Variants in AEBP1 observed in about 807,000 individuals in gnomAD.
AEBP1 encodes the protein adipocyte enhancer-binding protein 1.
Under a neutral mutation model 116.5 loss-of-function variants are expected in AEBP1, and 69 were observed. That is an observed-to-expected ratio of 0.59 (90% CI 0.49 to 0.72). The LOEUF is 0.72. Among genes scored for constraint, AEBP1 ranks in the 30% least tolerant of loss-of-function variants. The probability of loss-of-function intolerance (pLI) is 0.00; values close to 1 mark genes in which losing one functional copy is unlikely to be tolerated. For missense variants in AEBP1, 1,444 were observed against 1,557.5 expected (o/e 0.93, Z 1.23); for synonymous variants, 627 against 627.3 (o/e 1.00, Z 0.01).
Position 44,113,625 on chromosome 7 carries a change from C to G in AEBP1, c.2841C>G (p.Asn947Lys). ...GTGGTGATTACTGGCGAATCTTGAA[C>G]CCGGGTGAGTACCGCGTGACAGCCC... is the stretch of plus-strand genomic sequence containing the variant. ...ASGGDYWRILNPGEYRVTAHA... is the reference protein window; with the variant it reads ...ASGGDYWRILKPGEYRVTAHA... Residue 947 changes from asparagine (N) to lysine (K), a missense_variant, in exon 21 of 21, where the codon AAC (asparagine) becomes AAG (lysine). Transcript: ENST00000223357. The surrounding 1 kb of genome is among the most constrained non-coding windows in gnomAD (Gnocchi z 5.3). 1 of 1,613,084 alleles carries G rather than the reference C, an allele frequency of 6.2e-7. No homozygotes were observed. Among genetic ancestry groups the G allele is most frequent in the Non-Finnish European group, 8.5e-7 (1 of 1,179,872 alleles).
At position 44,110,897 on chromosome 7, in the gene AEBP1, G is replaced by T; in HGVS notation, c.1486-16G>T. On this transcript the variant is annotated splice_polypyrimidine_tract_variant and intron_variant, in intron 12 of 20. Coordinates refer to ENST00000223357, the MANE Select transcript of AEBP1 (RefSeq NM_001129.5). ...GAGGGGCTGGCAGTACTGCTCTGAGGCCTGCCTCTCCCCAGACCTTTCATG... is the reference window on the plus strand; with the variant it reads ...GAGGGGCTGGCAGTACTGCTCTGAGTCCTGCCTCTCCCCAGACCTTTCATG... 6.2e-7 allele frequency: 1 copy of T among 1,613,766 alleles called. No homozygotes were observed. The highest frequency in any genetic ancestry group is 8.5e-7 in the Non-Finnish European group (1 of 1,180,004).
chr7:44,106,416 T>C, intron 1 of AEBP1, 130 bp from the exon 2 acceptor site: 1 of 1,053,192 alleles, frequency 9.5e-7, no homozygotes, highest in Non-Finnish European at 1.4e-6. Flanking sequence ...TGACTTAACC[T>C]CTCAGTTTGC....
Position 44,112,785 on chromosome 7 carries a change from T to TGCCATCTCCTTCGCCTC in AEBP1, c.2446_2462dup (p.Ala822ProfsTer11). On this transcript the variant is annotated frameshift_variant, in exon 18 of 21. Coordinates refer to ENST00000223357, the MANE Select transcript of AEBP1 (RefSeq NM_001129.5). LOFTEE classifies it high-confidence loss of function. This position sits in a 1 kb window ranked among gnomAD's most constrained non-coding sequence, Gnocchi z 6.6. ...CAGACCACGCCATCTTCCGGTGGCT[T>TGCCATCTCCTTCGCCTC]GCCATCTCCTTCGCCTCCGCACACC... 1 of 1,612,728 alleles carries TGCCATCTCCTTCGCCTC rather than the reference T, an allele frequency of 6.2e-7. No individual in the cohort carries two copies. Among genetic ancestry groups the TGCCATCTCCTTCGCCTC allele is most frequent in the South Asian group, 1.1e-5 (1 of 91,072 alleles).
At position 44,108,134 on chromosome 7, in the gene AEBP1, G is replaced by A. The variant is rs750034849; in HGVS notation, c.940+50G>A. On this transcript the variant is annotated intron_variant, in intron 6 of 20. Transcript: ENST00000223357. This position sits in a 1 kb window ranked among gnomAD's most constrained non-coding sequence, Gnocchi z 5.0. ...TGAGGGACATAGGCAGGTGGGGGTC[G>A]GGGCTGGGGTGTGGTCAGGAGCCAG... 2.9e-5 allele frequency: 44 copies of A among 1,537,464 alleles called. No individual in the cohort carries two copies. Among genetic ancestry groups the A allele is most frequent in the South Asian group, 1.6e-4 (13 of 83,848 alleles).
Position 44,110,036 on chromosome 7 carries a change from A to C in AEBP1, c.1172A>C (p.Glu391Ala). ...TCAGAGTGTCCCCCCATTGGGATGGAGTCACACCGTATTGAGGACAACCAG... is the reference window on the plus strand; with the variant it reads ...TCAGAGTGTCCCCCCATTGGGATGGCGTCACACCGTATTGAGGACAACCAG... ...EKVKCPPIGMESHRIEDNQIR... is the reference protein window; with the variant it reads ...EKVKCPPIGMASHRIEDNQIR... Residue 391 changes from glutamate (E) to alanine (A), a missense_variant, in exon 10 of 21, where the codon GAG becomes GCG. Physicochemically the swap from Glu to Ala is moderately radical, Grantham distance 107. Coordinates refer to ENST00000223357, the MANE Select transcript of AEBP1 (RefSeq NM_001129.5). 6.2e-7 allele frequency: 1 copy of C among 1,612,880 alleles called. No homozygotes were observed. Among genetic ancestry groups the C allele is most frequent in the South Asian group, 1.1e-5 (1 of 91,080 alleles).
Position 44,113,939 on chromosome 7 carries a change from C to A in AEBP1, c.3155C>A (p.Thr1052Lys), listed in dbSNP as rs532446849. The change falls in exon 21 of 21, where the codon ACG (threonine) becomes AAG (lysine). Residue 1052 changes from threonine to lysine, a missense_variant. Physicochemically the swap from Thr to Lys is moderately conservative, Grantham distance 78 (BLOSUM62 -1). Coordinates refer to ENST00000223357, the MANE Select transcript of AEBP1 (RefSeq NM_001129.5). The surrounding 1 kb of genome is among the most constrained non-coding windows in gnomAD (Gnocchi z 5.3). ...TTLGPHTVPP[T>K]LPPAPATTLS... ...CTAGGCCCCCACACTGTGCCTCCCA[C>A]GCTGCCCCCTGCCCCTGCCACCACC... The A allele has an allele frequency of 1.2e-6, 2 of 1,613,360 alleles. No homozygotes were observed. The highest frequency in any genetic ancestry group is 4.5e-5 in the East Asian group (2 of 44,856).
At chr7:44,106,445 G>A in intron 1 of AEBP1, 101 bp from the exon 2 acceptor site, 5 of 1,269,508 alleles carry the variant, frequency 3.9e-6, no homozygotes, top group Non-Finnish European at 5.5e-6. Context: ...ACTGGGAACT[G>A]ACAAGAGTCC....
In AEBP1 at chr7:44,110,073, C is replaced by A. The variant is rs1427122659; in HGVS notation, c.1209C>A (p.Ser403=). 1 of 1,613,128 alleles carries A rather than the reference C, an allele frequency of 6.2e-7. No individual in the cohort carries two copies. The highest frequency in any genetic ancestry group is 1.7e-5 in the Admixed American group (1 of 60,022). Residue 403 remains serine, a synonymous_variant, in exon 10 of 21, where the codon TCC becomes TCA. Transcript: ENST00000223357. ...HRIEDNQIRA[S]SMLRHGLGAQ... is the part of the protein sequence containing the mutation. ...TTGAGGACAACCAGATCCGAGCCTCCTCCATGCTGCGCCACGGCCTGGGGG... is the reference window on the plus strand; with the variant it reads ...TTGAGGACAACCAGATCCGAGCCTCATCCATGCTGCGCCACGGCCTGGGGG...
At position 44,107,319 on chromosome 7, in the gene AEBP1, G is replaced by A. The variant is rs2096223944; in HGVS notation, c.596-120G>A. On this transcript the variant is annotated intron_variant, in intron 2 of 20. Transcript: ENST00000223357. This position sits in a 1 kb window ranked among gnomAD's most constrained non-coding sequence, Gnocchi z 4.3. ...GCTCAGGCCTCCTTGGAGTGAGCTC[G>A]GCCTCAGGAGGGTGTCCACAGGCTC... is the stretch of plus-strand genomic sequence containing the variant. 6 of 961,300 alleles carry A rather than the reference G, an allele frequency of 6.2e-6. No individual in the cohort carries two copies. Among genetic ancestry groups the A allele is most frequent in the South Asian group, 2.9e-5 (2 of 69,870 alleles). The allele number at this position is 961,300 out of a possible 1,614,324, so 59.5% of individuals were successfully genotyped here.
chr7:44,114,435 G>A lies in AEBP1; in HGVS notation c.*174G>A. Reference sequence around the variant, plus strand: ...GGGTGCAAACATGACTGGGACCTAAGAGCCAGAGGCTGTGTAGAGGCTCCT... The same window carrying A: ...GGGTGCAAACATGACTGGGACCTAAAAGCCAGAGGCTGTGTAGAGGCTCCT... On this transcript the variant is annotated 3_prime_UTR_variant, in exon 21 of 21. Coordinates refer to ENST00000223357, the MANE Select transcript of AEBP1 (RefSeq NM_001129.5). 1.4e-6 allele frequency: 1 copy of A among 733,418 alleles called. No homozygotes were observed. Among genetic ancestry groups the A allele is most frequent in the Non-Finnish European group, 2.2e-6 (1 of 455,602 alleles). 45.4% of individuals were successfully genotyped at this position (733,418 alleles called of 1,614,324 possible).
At chr7:44,110,858 G>A (rs1025889023) in intron 12 of AEBP1, 49 bp downstream of exon 12, 2 of 1,612,166 alleles carry the variant, frequency 1.2e-6, no homozygotes, top group Admixed American at 1.7e-5. Context: ...GTCTGGGCGA[G>A]GGGTGGGCTC....
At position 44,111,266 on chromosome 7, in the gene AEBP1, G is replaced by A. The variant is rs756580298; in HGVS notation, c.1716+27G>A. 1.3e-6 allele frequency: 2 copies of A among 1,504,760 alleles called. No individual in the cohort carries two copies. Among genetic ancestry groups the A allele is most frequent in the South Asian group, 2.7e-5 (2 of 73,178 alleles). 93.2% of individuals were successfully genotyped at this position (1,504,760 alleles called of 1,614,324 possible). A position where few individuals can be genotyped will look rare whatever the true frequency, so the allele number is the denominator to read the frequency against. On this transcript the variant is annotated intron_variant, in intron 14 of 20. Coordinates refer to ENST00000223357, the MANE Select transcript of AEBP1 (RefSeq NM_001129.5). This position sits in a 1 kb window ranked among gnomAD's most constrained non-coding sequence, Gnocchi z 4.7. ...TTGGGAGCATATATCCTGGGGCTGG[G>A]GGTGGGACCTGTCTGTGGCTGACGG...
At chr7:44,110,581 G>A (rs965629125) in intron 11 of AEBP1, 144 bp from the exon 12 acceptor site, 6 of 967,412 alleles carry the variant, frequency 6.2e-6, no homozygotes, top group African/African-American at 3.3e-5. Flanking sequence ...TATGTGACGG[G>A]CATAGGACCC....
At position 44,113,758 on chromosome 7, in the gene AEBP1, G is replaced by A. The variant is rs763175528; in HGVS notation, c.2974G>A (p.Glu992Lys). The A allele has an allele frequency of 8.1e-6, 13 of 1,614,106 alleles. No homozygotes were observed. In the Admixed American group the frequency reaches 2.2e-4, roughly 27 times the overall value. Residue 992 changes from glutamate to lysine, a missense_variant, in exon 21 of 21, where the codon GAG (glutamate) becomes AAG (lysine). Coordinates refer to ENST00000223357, the MANE Select transcript of AEBP1 (RefSeq NM_001129.5). This position sits in a 1 kb window ranked among gnomAD's most constrained non-coding sequence, Gnocchi z 5.3. Reference protein sequence around the residue: ...LARSNWKRIREIMAMNGNRPI... With the variant: ...LARSNWKRIRKIMAMNGNRPI... ...TCGCTCCAACTGGAAGCGCATCCGGGAGATCATGGCCATGAACGGGAACCG... is the reference window on the plus strand; with the variant it reads ...TCGCTCCAACTGGAAGCGCATCCGGAAGATCATGGCCATGAACGGGAACCG...
Position 44,107,037 on chromosome 7 carries a change from A to G in AEBP1, c.595+150A>G. 1 of 693,384 alleles carries G rather than the reference A, an allele frequency of 1.4e-6. No individual in the cohort carries two copies. Among genetic ancestry groups the G allele is most frequent in the Non-Finnish European group, 2.4e-6 (1 of 423,534 alleles). The allele number at this position is 693,384 out of a possible 1,614,324, so 43.0% of individuals were successfully genotyped here. ...CCTCACTTTTGCTATAAATTTCACA[A>G]TTTGATTGGTGGGCTCCCTCAGTGC... On this transcript the variant is annotated intron_variant, in intron 2 of 20. Coordinates refer to ENST00000223357, the MANE Select transcript of AEBP1 (RefSeq NM_001129.5). This position sits in a 1 kb window ranked among gnomAD's most constrained non-coding sequence, Gnocchi z 4.3.
In AEBP1 at chr7:44,111,417, C is replaced by T. The variant is rs563590572; in HGVS notation, c.1717-90C>T. On this transcript the variant is annotated intron_variant, in intron 14 of 20. Coordinates refer to ENST00000223357, the MANE Select transcript of AEBP1 (RefSeq NM_001129.5). The surrounding 1 kb of genome is among the most constrained non-coding windows in gnomAD (Gnocchi z 4.7). ...GCGTGAAGGGGTCATGCCCGTCCCTCGCCATAGAGCAGGCCCTGGAAGTGG... is the reference window on the plus strand; with the variant it reads ...GCGTGAAGGGGTCATGCCCGTCCCTTGCCATAGAGCAGGCCCTGGAAGTGG... 135 of 1,478,928 alleles carry T rather than the reference C, an allele frequency of 9.1e-5. No homozygotes were observed. The East Asian group carries it at 1.7e-3, about 19-fold the overall frequency. 91.6% of individuals were successfully genotyped at this position (1,478,928 alleles called of 1,614,324 possible). A position where few individuals can be genotyped will look rare whatever the true frequency, so the allele number is the denominator to read the frequency against.
intron 9 of AEBP1, 62 bp from the exon 10 acceptor site, chr7:44,109,953 C>T (rs1377197146): frequency 2.0e-6 from 3 of 1,483,802 alleles, no homozygotes; most frequent in African/African-American, 2.8e-5. Flanking sequence ...CTCCTTGGTT[C>T]TGGGTTTGGT....
In AEBP1 at chr7:44,113,083, C is replaced by G; in HGVS notation, c.2662C>G (p.Arg888Gly). 6.2e-7 allele frequency: 1 copy of G among 1,614,016 alleles called. No individual in the cohort carries two copies. The change falls in exon 19 of 21, where the codon CGC becomes GGC. Residue 888 changes from arginine to glycine, a missense_variant. Arg to Gly is a moderately radical substitution (Grantham distance 125). Transcript: ENST00000223357. The surrounding 1 kb of genome is among the most constrained non-coding windows in gnomAD (Gnocchi z 5.3). ...GTTCCCTCATGAGAGTGAGCTGCCCCGCGAGTGGGAGAACAACAAGGAGGC... is the reference window on the plus strand; with the variant it reads ...GTTCCCTCATGAGAGTGAGCTGCCCGGCGAGTGGGAGAACAACAAGGAGGC... The part of the protein sequence containing the change: ...DKFPHESELP[R>G]EWENNKEALL...
In AEBP1 at chr7:44,113,111, T is replaced by C. The variant is rs1334371879; in HGVS notation, c.2690T>C (p.Leu897Pro). The change falls in exon 19 of 21, where the codon CTG becomes CCG. Residue 897 changes from leucine to proline, a missense_variant. Coordinates refer to ENST00000223357, the MANE Select transcript of AEBP1 (RefSeq NM_001129.5). The surrounding 1 kb of genome is among the most constrained non-coding windows in gnomAD (Gnocchi z 5.3). ...PREWENNKEA[L>P]LTFMEQVHRG... is the part of the protein sequence containing the mutation. ...GAGTGGGAGAACAACAAGGAGGCGC[T>C]GCTCACCTTCATGGAGCAGGTGGGG... The C allele has an allele frequency of 6.2e-7, 1 of 1,614,026 alleles. No individual in the cohort carries two copies. Among genetic ancestry groups the C allele is most frequent in the South Asian group, 1.1e-5 (1 of 91,086 alleles).
Sources: gnomAD v4.1 joint callset for allele counts on GRCh38, gnomAD v4.1.1 for gene constraint, Gnocchi (gnomAD v3.1) non-coding constraint, MANE v1.5 for transcripts, NCBI Gene and HGNC (gene_info 2026-07-23, HGNC 2026-07-21) for gene names.